Variants in MCC observed in about 807,000 individuals in gnomAD.
MCC encodes MCC regulator of Wnt signaling pathway, also known as colorectal mutant cancer protein.
A neutral mutation model predicts 116.2 loss-of-function variants in MCC; 90 were observed. That is an observed-to-expected ratio of 0.77 (90% CI 0.65 to 0.92). The LOEUF (loss-of-function observed/expected upper bound fraction) is 0.92, where lower values mean the gene tolerates loss of function less well. MCC is among the 40% of genes least tolerant of loss of function. MCC has a pLI of 0.00. For synonymous variants in MCC, 578 were observed against 510.5 expected (o/e 1.13, Z -1.78); for missense variants, 1,516 against 1,312.2 (o/e 1.16, Z -2.40).
At chr5:113,168,900 T>C (rs1200344722) in intron 3 of MCC, among the ~76,000 whole-genome samples, 1 of 152,122 alleles carries the variant, frequency 6.6e-6, no homozygotes, top group Non-Finnish European at 1.5e-5. Context: ...AGCAATAGCT[T>C]AGGCAGGCAT....
At chr5:113,296,857 T>C (rs1317238038) in intron 3 of MCC, among the ~76,000 whole-genome samples, 1 of 152,146 alleles carries the variant, frequency 6.6e-6, no homozygotes, top group Non-Finnish European at 1.5e-5. Context: ...TAAAGATACA[T>C]ATTTTTCATA....
At chr5:113,458,333 G>A (rs995552291) in intron 1 of MCC, among the ~76,000 whole-genome samples, 4 of 150,330 alleles carry the variant, frequency 2.7e-5, no homozygotes, top group African/African-American at 7.4e-5. Context: ...CAGACGTGCC[G>A]CCTTAAGAGC....
At chr5:113,330,858 T>C (rs1054346136) in intron 3 of MCC, among the ~76,000 whole-genome samples, 1 of 152,208 alleles carries the variant, frequency 6.6e-6, no homozygotes, top group South Asian at 2.1e-4. Flanking sequence ...AGAATCATTT[T>C]AAAAAATACT....
At chr5:113,158,943 A>C (rs972198567) in intron 3 of MCC, among the ~76,000 whole-genome samples, 1 of 151,808 alleles carries the variant, frequency 6.6e-6, no homozygotes, top group Non-Finnish European at 1.5e-5. Flanking sequence ...GTGTGTGTGG[A>C]GGGGTGGATG....
At chr5:113,193,011 C>T (rs1762222842) in intron 3 of MCC, among the ~76,000 whole-genome samples, 3 of 152,156 alleles carry the variant, frequency 2.0e-5, no homozygotes, top group Admixed American at 2.0e-4. Flanking sequence ...GCCAGGCTTC[C>T]CCGGAAGGCT....
chr5:113,095,404 A>G (rs1314226032), intron 8 of MCC, among the ~76,000 whole-genome samples: 1 of 152,228 alleles, frequency 6.6e-6, no homozygotes, highest in Non-Finnish European at 1.5e-5. Context: ...GGGTATAATA[A>G]TAGTACCTAT....
At chr5:113,198,830 G>A (rs904001919) in intron 3 of MCC, among the ~76,000 whole-genome samples, 5 of 152,138 alleles carry the variant, frequency 3.3e-5, no homozygotes, top group East Asian at 1.9e-4. Flanking sequence ...GCGGGACCAC[G>A]TAGGCTGAGG....
At chr5:113,329,117 T>C (rs1381790122) in intron 3 of MCC, among the ~76,000 whole-genome samples, 2 of 152,180 alleles carry the variant, frequency 1.3e-5, no homozygotes, top group African/African-American at 4.8e-5. Flanking sequence ...TACCTATATA[T>C]GCAGCATAAA....
At chr5:113,448,374 G>C (rs1161808960) in intron 1 of MCC, 1 of 151,958 alleles carries the variant, frequency 6.6e-6, no homozygotes, top group East Asian at 1.9e-4. Context: ...AGACACAACT[G>C]GCTTCACATC....
At chr5:113,094,927 G>A (rs1755914903) in intron 8 of MCC, among the ~76,000 whole-genome samples, 1 of 152,168 alleles carries the variant, frequency 6.6e-6, no homozygotes, top group South Asian at 2.1e-4. Context: ...TGGGAGCTGT[G>A]TCCATGGAAG....
intron 3 of MCC, among the ~76,000 whole-genome samples, chr5:113,163,996 G>A (rs191280143): frequency 1.7e-4 from 26 of 152,156 alleles, no homozygotes; most frequent in African/African-American, 6.3e-4. Flanking sequence ...ACATATATTA[G>A]TATTATACAA....
At chr5:113,050,528 A>G (rs1049911814) in intron 15 of MCC, among the ~76,000 whole-genome samples, 4 of 152,256 alleles carry the variant, frequency 2.6e-5, no homozygotes, top group African/African-American at 4.8e-5. Context: ...ACATTAGTCA[A>G]TATGCTCAGT....
chr5:113,269,135 T>C (rs1274896368), intron 3 of MCC: 1 of 982,862 alleles, frequency 1.0e-6, no homozygotes, highest in Admixed American at 6.1e-5. Context: ...CCTTGCAACC[T>C]GGAGGGAGAC....
intron 3 of MCC, among the ~76,000 whole-genome samples, chr5:113,325,052 C>T (rs1767518999): frequency 6.6e-6 from 1 of 152,000 alleles, no homozygotes; most frequent in Non-Finnish European, 1.5e-5. Flanking sequence ...GTTGCCCAGG[C>T]TGGTCTCAAA....
chr5:113,189,071 C>T (rs1762032161), intron 3 of MCC, among the ~76,000 whole-genome samples: 1 of 152,180 alleles, frequency 6.6e-6, no homozygotes, highest in South Asian at 2.1e-4. Flanking sequence ...GGCCGTCTAC[C>T]AAGCCCTGTG....
intron 4 of MCC, among the ~76,000 whole-genome samples, chr5:113,150,651 A>T (rs1249021464): frequency 6.6e-6 from 1 of 152,188 alleles, no homozygotes; most frequent in East Asian, 1.9e-4. Context: ...AAATTAAATT[A>T]AAAAAGATTT....
chr5:113,054,702 T>C (rs759885004), intron 14 of MCC, among the ~76,000 whole-genome samples: 12 of 152,156 alleles, frequency 7.9e-5, no homozygotes, highest in East Asian at 1.9e-4. Context: ...CTGAGTATAG[T>C]GTTCACTATA....
In MCC at chr5:113,203,584, C is replaced by G. The variant is rs778980043; in HGVS notation, c.628-52162G>C. Among the ~76,000 whole-genome samples the G allele has an allele frequency of 6.5e-4, 99 of 152,260 alleles. No individual in the cohort carries two copies. The Middle Eastern group carries it at 0.01, about 16-fold the overall frequency. On this transcript the variant is annotated intron_variant, in intron 3 of 18. Coordinates refer to ENST00000408903, the MANE Select transcript of MCC (RefSeq NM_001085377.2). ...TATTTACAGAAGAGTCAAGATAAGC[C>G]GGATCACTTGGCGTGATTATTTCGC...
At chr5:113,430,910 C>G (rs1287027611) in intron 1 of MCC, among the ~76,000 whole-genome samples, 1 of 152,070 alleles carries the variant, frequency 6.6e-6, no homozygotes, top group Non-Finnish European at 1.5e-5. Context: ...AGTATGAACA[C>G]TGAGAGGGGC....
Sources: gnomAD v4.1 joint callset for allele counts (sites outside exome capture counted in the v4.1 genomes callset) on GRCh38, gnomAD v4.1.1 for gene constraint, MANE v1.5 for transcripts, NCBI Gene and HGNC (gene_info 2026-07-23, HGNC 2026-07-21) for gene names.